Variants in DDAH1 observed in about 807,000 individuals in gnomAD.
DDAH1 encodes the protein N(G),N(G)-dimethylarginine dimethylaminohydrolase 1.
Under a neutral mutation model 28.8 loss-of-function variants are expected in DDAH1, and 19 were observed. That is an observed-to-expected ratio of 0.66 (90% CI 0.46 to 0.97). The LOEUF (loss-of-function observed/expected upper bound fraction) is 0.97, where lower values mean the gene tolerates loss of function less well. Among genes scored for constraint, DDAH1 ranks in the 50% least tolerant of loss-of-function variants. DDAH1 has a pLI of 0.00. For synonymous variants in DDAH1, 153 were observed against 154.4 expected (o/e 0.99, Z 0.07); for missense variants, 326 against 375.9 (o/e 0.87, Z 1.10).
At chr1:85,343,204 A>AT (rs1042570428) in intron 4 of DDAH1, among the ~76,000 whole-genome samples, 6 of 152,226 alleles carry the variant, frequency 3.9e-5, no homozygotes, top group African/African-American at 1.4e-4. Context: ...AGGAAAAAAA[A>AT]GCACATTATT....
At chr1:85,502,472 T>C (rs1034309592) in intron 1 of DDAH1, among the ~76,000 whole-genome samples, 1 of 152,206 alleles carries the variant, frequency 6.6e-6, no homozygotes, top group African/African-American at 2.4e-5. Flanking sequence ...GTTCTTTGAA[T>C]CTCTTCCTTT....
intron 1 of DDAH1, among the ~76,000 whole-genome samples, chr1:85,510,669 T>C (rs1218222875): frequency 6.6e-6 from 1 of 151,666 alleles, no homozygotes; most frequent in African/African-American, 2.4e-5. Context: ...ACCAAGCAAA[T>C]GGAAAGCAAA....
intron 1 of DDAH1, among the ~76,000 whole-genome samples, chr1:85,445,188 C>T (rs920122096): frequency 6.6e-6 from 1 of 152,088 alleles, no homozygotes; most frequent in African/African-American, 2.4e-5. Context: ...TTTGACAACA[C>T]CCTCATAGAA....
chr1:85,478,329 G>T lies in DDAH1; in HGVS notation c.-7+17837C>A, dbSNP rs138776007. On this transcript the variant is annotated intron_variant, in intron 2 of 6. Transcript: ENST00000426972. ...TCTTAATTAATTTTAGGAATTATCTGTATTAGTCTGCTCTCACGTTGCTAA... is the reference window on the plus strand; with the variant it reads ...TCTTAATTAATTTTAGGAATTATCTTTATTAGTCTGCTCTCACGTTGCTAA... Among the ~76,000 whole-genome samples the T allele has an allele frequency of 6.4e-3, 981 of 152,320 alleles. 4 individuals carry two copies. Among genetic ancestry groups the T allele is most frequent in the Middle Eastern group, 0.027 (8 of 294 alleles).
At chr1:85,405,717 C>T (rs1487219303) in intron 1 of DDAH1, among the ~76,000 whole-genome samples, 2 of 152,004 alleles carry the variant, frequency 1.3e-5, no homozygotes. Flanking sequence ...AAGGTGGAAT[C>T]CTCTATGAAA....
chr1:85,334,069 G>A (rs1647951985), intron 4 of DDAH1, among the ~76,000 whole-genome samples: 1 of 152,164 alleles, frequency 6.6e-6, no homozygotes, highest in South Asian at 2.1e-4. Flanking sequence ...TGTCTAGGGA[G>A]AGACCAGAGG....
chr1:85,492,613 T>C (rs1450122941), intron 2 of DDAH1, among the ~76,000 whole-genome samples: 2 of 152,186 alleles, frequency 1.3e-5, no homozygotes, highest in Non-Finnish European at 2.9e-5. Context: ...GGACAGCATT[T>C]ATAAAATAAT....
At chr1:85,374,679 T>A (rs987322924) in intron 1 of DDAH1, among the ~76,000 whole-genome samples, 1 of 151,312 alleles carries the variant, frequency 6.6e-6, no homozygotes, top group Non-Finnish European at 1.5e-5. Flanking sequence ...CTTCAACACA[T>A]TCCTATTAAG....
At position 85,464,960 on chromosome 1, in the gene DDAH1, G is replaced by A; in HGVS notation, c.86C>T (p.Ala29Val). The change falls in exon 1 of 6, where the codon GCG becomes GTG. Residue 29 changes from alanine to valine, a missense_variant. By Grantham distance (64) the Ala-to-Val change is moderately conservative. Coordinates refer to ENST00000284031, the MANE Select transcript of DDAH1 (RefSeq NM_012137.4). This position sits in a 1 kb window ranked among gnomAD's most constrained non-coding sequence, Gnocchi z 4.4. Reference sequence around the variant, plus strand: ...CTCCTCGCCCTTGGCGCTTCTCAGCGCGTGCTGGCCGAGCGACTCGGGTAG... The same window carrying A: ...CTCCTCGCCCTTGGCGCTTCTCAGCACGTGCTGGCCGAGCGACTCGGGTAG... ...RALPESLGQH[A>V]LRSAKGEEVD... 2 of 1,492,128 alleles carry A rather than the reference G, an allele frequency of 1.3e-6. No homozygotes were observed. The highest frequency in any genetic ancestry group is 1.8e-6 in the Non-Finnish European group (2 of 1,127,788). The allele number at this position is 1,492,128 out of a possible 1,614,324, so 92.4% of individuals were successfully genotyped here. A position where few individuals can be genotyped will look rare whatever the true frequency, so the allele number is the denominator to read the frequency against.
intron 1 of DDAH1, among the ~76,000 whole-genome samples, chr1:85,520,749 C>T (rs1192954778): frequency 6.6e-6 from 1 of 152,160 alleles, no homozygotes; most frequent in African/African-American, 2.4e-5. Flanking sequence ...AATAGGAGTT[C>T]AGTGTGATTG....
At chr1:85,485,584 G>T (rs1312255817) in intron 2 of DDAH1, among the ~76,000 whole-genome samples, 1 of 152,142 alleles carries the variant, frequency 6.6e-6, no homozygotes, top group Non-Finnish European at 1.5e-5. Flanking sequence ...TTTGCCTTCA[G>T]CCACATGTCA....
chr1:85,577,152 A>C (rs1168803263), intron 1 of DDAH1, among the ~76,000 whole-genome samples: 1 of 152,066 alleles, frequency 6.6e-6, no homozygotes. Flanking sequence ...GCAGCCGGGC[A>C]GGCGCGTCCG....
At chr1:85,359,518 T>C (rs1649673245) in intron 1 of DDAH1, among the ~76,000 whole-genome samples, 1 of 152,152 alleles carries the variant, frequency 6.6e-6, no homozygotes, top group Non-Finnish European at 1.5e-5. Context: ...TTAGTCAGAA[T>C]TGCACACACA....
Position 85,418,577 on chromosome 1 carries a change from T to G in DDAH1, c.303+46166A>C, listed in dbSNP as rs74098820. ...ATCACATTTCATTGGTATTTAAAAT[T>G]TCATTTACACTTTTCAGTTAAATGC... On this transcript the variant is annotated intron_variant, in intron 1 of 5. Transcript: ENST00000284031. Among the ~76,000 whole-genome samples, 583 of 152,308 alleles carry G rather than the reference T, an allele frequency of 3.8e-3. 5 individuals are homozygous for G. The highest frequency in any genetic ancestry group is 0.014 in the African/African-American group (562 of 41,568).
chr1:85,353,852 A>G (rs1649356921), intron 2 of DDAH1, among the ~76,000 whole-genome samples: 1 of 152,202 alleles, frequency 6.6e-6, no homozygotes, highest in Non-Finnish European at 1.5e-5. Flanking sequence ...AAATTTCCAC[A>G]TTTATGTATA....
intron 1 of DDAH1, among the ~76,000 whole-genome samples, chr1:85,537,036 A>C (rs1204586117): frequency 6.7e-6 from 1 of 149,776 alleles, no homozygotes; most frequent in Non-Finnish European, 1.5e-5. Context: ...ACAGTGGAAT[A>C]CTATTCAGTC....
At chr1:85,431,872 G>T (rs2100636757) in intron 1 of DDAH1, among the ~76,000 whole-genome samples, 1 of 152,300 alleles carries the variant, frequency 6.6e-6, no homozygotes, top group South Asian at 2.1e-4. Flanking sequence ...ACATGAAGTT[G>T]CTTTGAAATT....
At chr1:85,478,138 T>G (rs946551363) in intron 2 of DDAH1, among the ~76,000 whole-genome samples, 1 of 152,162 alleles carries the variant, frequency 6.6e-6, no homozygotes, top group African/African-American at 2.4e-5. Flanking sequence ...TGCTGACAGA[T>G]AAATCATTTT....
At position 85,464,491 on chromosome 1, in the gene DDAH1, C is replaced by T; in HGVS notation, c.303+252G>A. 1 of 1,524,010 alleles carries T rather than the reference C, an allele frequency of 6.6e-7. No homozygotes were observed. Among genetic ancestry groups the T allele is most frequent in the Non-Finnish European group, 8.8e-7 (1 of 1,139,702 alleles). The allele number at this position is 1,524,010 out of a possible 1,614,324, so 94.4% of individuals were successfully genotyped here. A position where few individuals can be genotyped will look rare whatever the true frequency, so the allele number is the denominator to read the frequency against. The stretch of plus-strand genomic sequence containing the variant: ...CCCGTGAGACGGAATCCCCCGCCCA[C>T]CCACCTGCCCGAGACCGTACAACCA... On this transcript the variant is annotated intron_variant, in intron 1 of 5. Coordinates refer to ENST00000284031, the MANE Select transcript of DDAH1 (RefSeq NM_012137.4). This position sits in a 1 kb window ranked among gnomAD's most constrained non-coding sequence, Gnocchi z 4.4.
Sources: gnomAD v4.1 joint callset for allele counts (sites outside exome capture counted in the v4.1 genomes callset) on GRCh38, gnomAD v4.1.1 for gene constraint, Gnocchi (gnomAD v3.1) non-coding constraint, MANE v1.5 for transcripts, NCBI Gene and HGNC (gene_info 2026-07-23, HGNC 2026-07-21) for gene names.